Variants in ANXA8 observed in about 807,000 individuals in gnomAD.
The protein encoded by ANXA8 is VAC-beta.
ANXA8 carries 9 observed loss-of-function variants against 26.8 expected under a neutral mutation model. The observed-to-expected ratio is 0.34, with a 90% CI of 0.20 to 0.59. The LOEUF is 0.59. Ranked by LOEUF, ANXA8 falls within the 20% of genes least tolerant of loss-of-function variation. ANXA8 has a pLI of 0.84. For synonymous variants in ANXA8, 39 were observed against 94.8 expected, an observed-to-expected ratio of 0.41 and a Z score of 3.42; for missense variants, 83 against 238.5, an observed-to-expected ratio of 0.35 and a Z score of 4.29.
the ANXA8 span, among the ~76,000 whole-genome samples, chr10:47,632,301 A>G: frequency 6.6e-6 from 1 of 150,424 alleles, no homozygotes. Flanking sequence ...AATTATTTTG[A>G]GATCCTAATC....
At chr10:47,617,807 T>A in the ANXA8 span, among the ~76,000 whole-genome samples, 1 of 144,576 alleles carries the variant, frequency 6.9e-6, no homozygotes, top group South Asian at 2.1e-4. Context: ...AGTGAAATTA[T>A]CCTGTCTGCA....
At chr10:47,970,943 C>A in the ANXA8 span, among the ~76,000 whole-genome samples, 1 of 151,314 alleles carries the variant, frequency 6.6e-6, no homozygotes, top group Non-Finnish European at 1.5e-5. Context: ...GGTGGAGTGA[C>A]CCCCACCAGG....
At chr10:47,898,811 A>ATTTTTTTTTTTTTTTTTT in the ANXA8 span, among the ~76,000 whole-genome samples, 2 of 56,262 alleles carry the variant, frequency 3.6e-5, no homozygotes, top group Non-Finnish European at 2.9e-5. Context: ...AAGAGAATGG[A>ATTTTTTTTTTTTTTTTTT]TTTTTTTTTT....
At chr10:47,959,872 C>T in the ANXA8 span, among the ~76,000 whole-genome samples, 1 of 151,540 alleles carries the variant, frequency 6.6e-6, no homozygotes, top group Non-Finnish European at 1.5e-5. Context: ...AGGCTGTCAG[C>T]TTCCACTTCC....
the ANXA8 span, among the ~76,000 whole-genome samples, chr10:47,975,578 G>A: frequency 1.3e-3 from 189 of 150,584 alleles, no homozygotes; most frequent in African/African-American, 4.3e-3. Flanking sequence ...GCTTCTGACA[G>A]AGCATTTAGG....
chr10:47,701,830 A>G, the ANXA8 span, among the ~76,000 whole-genome samples: 1 of 151,786 alleles, frequency 6.6e-6, no homozygotes, highest in Non-Finnish European at 1.5e-5. Flanking sequence ...TATTGTTACA[A>G]ATGAACCCAA....
chr10:47,688,378 G>T, the ANXA8 span, among the ~76,000 whole-genome samples: 2 of 149,296 alleles, frequency 1.3e-5, no homozygotes, highest in African/African-American at 4.9e-5. Flanking sequence ...GCCTCCCAAA[G>T]TGCTGGGATT....
At chr10:47,970,175 G>A in the ANXA8 span, 2 of 151,312 alleles carry the variant, frequency 1.3e-5, no homozygotes, top group African/African-American at 4.8e-5. Flanking sequence ...GGTGTTGCTG[G>A]GAGGATAAGA....
At chr10:47,685,205 G>A in the ANXA8 span, among the ~76,000 whole-genome samples, 51,335 of 149,968 alleles carry the variant, frequency 0.34, 9,059 homozygotes, top group East Asian at 0.54. Flanking sequence ...AATTAGCTGG[G>A]CATGGTGGTG....
At chr10:47,580,903 C>T in the ANXA8 span, among the ~76,000 whole-genome samples, 3 of 149,452 alleles carry the variant, frequency 2.0e-5, no homozygotes, top group African/African-American at 5.1e-5. Context: ...GGCAAAACCC[C>T]ATCTCTACTA....
chr10:47,982,191 G>A, the ANXA8 span, among the ~76,000 whole-genome samples: 12 of 150,460 alleles, frequency 8.0e-5, no homozygotes, highest in Non-Finnish European at 1.3e-4. Context: ...TTGGGAGGCC[G>A]AGGTGGGAGG....
chr10:47,594,749 C>T, the ANXA8 span, among the ~76,000 whole-genome samples: 20 of 147,676 alleles, frequency 1.4e-4, no homozygotes, highest in Non-Finnish European at 4.4e-5. Flanking sequence ...ACAAAGCCTT[C>T]AAGAAATATG....
the ANXA8 span, among the ~76,000 whole-genome samples, chr10:47,554,110 A>AAAATAAATGAAT: frequency 3.9e-5 from 5 of 129,864 alleles, no homozygotes; most frequent in Non-Finnish European, 8.0e-5. Context: ...CATCTCTCAA[A>AAAATAAATGAAT]AAATAAATAA....
the ANXA8 span, among the ~76,000 whole-genome samples, chr10:47,721,434 A>C: frequency 0.011 from 1,550 of 138,700 alleles, 134 homozygotes; most frequent in African/African-American, 0.037. Flanking sequence ...TTCCTAAACT[A>C]TACCACATTA....
chr10:47,743,378 ATGTGTGTGTG>A, the ANXA8 span, among the ~76,000 whole-genome samples: 50 of 59,764 alleles, frequency 8.4e-4, no homozygotes, highest in Middle Eastern at 8.5e-3. Context: ...ATACATATAT[ATGTGTGTGTG>A]TGTGTGTGTG....
At chr10:47,778,830 TTTTCTGCTCACAATTATATGATGGCTGA>T in the ANXA8 span, among the ~76,000 whole-genome samples, 7 of 151,626 alleles carry the variant, frequency 4.6e-5, no homozygotes, top group East Asian at 1.9e-4. Context: ...AATTAGGTAT[TTTTCTGCTCACAATTATATGATGGCTGA>T]TTTCTGCTCA....
the ANXA8 span, among the ~76,000 whole-genome samples, chr10:47,959,840 C>A: frequency 6.6e-6 from 1 of 151,074 alleles, no homozygotes; most frequent in Admixed American, 6.6e-5. Flanking sequence ...GTGCTGTGCC[C>A]GCTTCTAAGC....
the ANXA8 span, among the ~76,000 whole-genome samples, chr10:47,647,159 G>C: frequency 6.6e-6 from 1 of 152,222 alleles, no homozygotes. Context: ...AATGCTTCTT[G>C]CATTAACTGC....
At chr10:47,733,161 CTT>C in the ANXA8 span, among the ~76,000 whole-genome samples, 2 of 96,968 alleles carry the variant, frequency 2.1e-5, no homozygotes, top group Admixed American at 2.2e-4. Context: ...TTCTTTCTTT[CTT>C]TCTTTCTTTC....
Sources: gnomAD v4.1 joint callset for allele counts (sites outside exome capture counted in the v4.1 genomes callset) on GRCh38, gnomAD v4.1.1 for gene constraint, MANE v1.5 for transcripts, NCBI Gene and HGNC (gene_info 2026-07-23, HGNC 2026-07-21) for gene names.